The following ABHD18 variants were observed in gnomAD, a reference collection of about 807,000 sequenced individuals.
ABHD18 encodes the protein abhydrolase domain containing 18.
ABHD18 carries 55 observed loss-of-function variants against 65.9 expected under a neutral mutation model. The ratio of observed to expected loss-of-function variants is 0.84; its 90% CI spans 0.67 to 1.05. The LOEUF is 1.05. Among genes scored for constraint, ABHD18 ranks in the 50% least tolerant of loss-of-function variants. ABHD18 has a pLI of 0.00. For missense variants in ABHD18, 533 were observed against 558.5 expected (o/e 0.95, Z 0.46); for synonymous variants, 181 against 180.2 (o/e 1.00, Z -0.04).
intron 1 of ABHD18, among the ~76,000 whole-genome samples, chr4:127,967,746 C>A: frequency 6.6e-6 from 1 of 150,760 alleles, no homozygotes; most frequent in East Asian, 1.9e-4. Flanking sequence ...GGAACACACA[C>A]ATAGCATCCA....
At chr4:128,010,282 G>A (rs1255485372) in intron 6 of ABHD18, among the ~76,000 whole-genome samples, 1 of 151,934 alleles carries the variant, frequency 6.6e-6, no homozygotes, top group Non-Finnish European at 1.5e-5. Flanking sequence ...GTAATCCCAG[G>A]ACTTTGGGAG....
chr4:127,989,817 G>A lies in ABHD18; in HGVS notation c.274G>A (p.Ala92Thr). The A allele has an allele frequency of 1.9e-6, 3 of 1,554,632 alleles. No individual in the cohort carries two copies. The highest frequency in any genetic ancestry group is 2.6e-6 in the Non-Finnish European group (3 of 1,150,322). ...TATCATGCCAATTGAATCTGTTATTGCAAGGTAAGAATTTTTTTGTTCAAA... is the reference window on the plus strand; with the variant it reads ...TATCATGCCAATTGAATCTGTTATTACAAGGTAAGAATTTTTTTGTTCAAA... The part of the protein sequence containing the change: ...PDIMPIESVI[A>T]RFQFIVPKEW... Residue 92 changes from alanine to threonine, a missense_variant, in exon 4 of 13, where the codon GCA becomes ACA. Physicochemically the swap from Ala to Thr is moderately conservative, Grantham distance 58. Coordinates refer to ENST00000645843, the MANE Select transcript of ABHD18 (RefSeq NM_001358451.3).
chr4:128,015,940 T>C (rs1197511432), intron 7 of ABHD18, among the ~76,000 whole-genome samples: 2 of 151,288 alleles, frequency 1.3e-5, no homozygotes, highest in East Asian at 3.9e-4. Flanking sequence ...CAAAAAGATA[T>C]ATTTAAATAC....
chr4:128,022,385 A>C (rs1756647282), intron 10 of ABHD18, among the ~76,000 whole-genome samples: 1 of 152,206 alleles, frequency 6.6e-6, no homozygotes, highest in South Asian at 2.1e-4. Flanking sequence ...CTCATGGTAC[A>C]GTTCAGCATA....
Position 128,011,813 on chromosome 4 carries a change from G to C in ABHD18, c.470+113G>C, listed in dbSNP as rs973929436. 3.6e-5 allele frequency: 16 copies of C among 438,954 alleles called. 1 individual carries two copies. The highest frequency in any genetic ancestry group is 1.1e-4 in the East Asian group (2 of 17,650). 27.2% of individuals were successfully genotyped at this position (438,954 alleles called of 1,614,324 possible). On this transcript the variant is annotated intron_variant, in intron 7 of 12. Coordinates refer to ENST00000645843, the MANE Select transcript of ABHD18 (RefSeq NM_001358451.3). ...TAAATTGAATACCTAAATATTATGG[G>C]GGGGGGGAGTTCTGTTATGAAACTG... is the stretch of plus-strand genomic sequence containing the variant.
intron 4 of ABHD18, among the ~76,000 whole-genome samples, chr4:127,998,073 A>G (rs1752037623): frequency 1.3e-5 from 2 of 151,864 alleles, no homozygotes; most frequent in Admixed American, 6.6e-5. Flanking sequence ...TTTTATTTGT[A>G]GAGAACAAGG....
At chr4:127,974,188 GTTT>G (rs34967150) in intron 1 of ABHD18, among the ~76,000 whole-genome samples, 36 of 101,490 alleles carry the variant, frequency 3.5e-4, no homozygotes, top group African/African-American at 1.1e-3. Flanking sequence ...CTTAAGTTCT[GTTT>G]TTTTTTTTTT....
intron 4 of ABHD18, among the ~76,000 whole-genome samples, chr4:128,004,807 A>G (rs1449594916): frequency 6.6e-6 from 1 of 151,938 alleles, no homozygotes; most frequent in Non-Finnish European, 1.5e-5. Context: ...GCTACTCGAG[A>G]GGCTGAGGCA....
intron 1 of ABHD18, among the ~76,000 whole-genome samples, chr4:127,966,832 C>G (rs1253538070): frequency 6.8e-6 from 1 of 147,870 alleles, no homozygotes; most frequent in African/African-American, 2.5e-5. Context: ...CTGCAGTGAG[C>G]CGAGATCACG....
At chr4:128,006,635 A>T (rs906503719) in intron 4 of ABHD18, among the ~76,000 whole-genome samples, 4 of 152,230 alleles carry the variant, frequency 2.6e-5, no homozygotes, top group African/African-American at 7.2e-5. Flanking sequence ...GACAGAGTAC[A>T]GTCTTTTACT....
chr4:127,979,842 G>A (rs1748670660), intron 1 of ABHD18, among the ~76,000 whole-genome samples: 1 of 149,714 alleles, frequency 6.7e-6, no homozygotes, highest in South Asian at 2.1e-4. Context: ...CTTGAGCCAA[G>A]GAGGTAGAGG....
Position 128,028,420 on chromosome 4 carries a change from C to G in ABHD18, c.802-55C>G, listed in dbSNP as rs1054180470. 5.5e-6 allele frequency: 7 copies of G among 1,265,052 alleles called. No homozygotes were observed. In the Admixed American group the frequency reaches 2.5e-4, roughly 46 times the overall value. The allele number at this position is 1,265,052 out of a possible 1,614,324, so 78.4% of individuals were successfully genotyped here. On this transcript the variant is annotated intron_variant, in intron 10 of 12. Coordinates refer to ENST00000645843, the MANE Select transcript of ABHD18 (RefSeq NM_001358451.3). The stretch of plus-strand genomic sequence containing the variant: ...CTTTTCTCTTTTTTTTTTGACAAAG[C>G]TGTTAATACCCTATTTTATATTAAA...
intron 7 of ABHD18, 30 bp downstream of exon 7, chr4:128,011,730 TC>T: frequency 6.6e-7 from 1 of 1,511,394 alleles, no homozygotes; most frequent in Non-Finnish European, 8.9e-7. Flanking sequence ...ATTTTTGCAG[TC>T]TTTTTACCCA....
Position 128,011,713 on chromosome 4 carries a change from C to T in ABHD18, c.470+13C>T, listed in dbSNP as rs781581059. On this transcript the variant is annotated intron_variant, in intron 7 of 12. Transcript: ENST00000645843. ...CCAAGGACCAAGTGTAAGTATATAT[C>T]ACTTTCATTTTTGCAGTCTTTTTAC... is the stretch of plus-strand genomic sequence containing the variant. 3.9e-6 allele frequency: 6 copies of T among 1,532,762 alleles called. No individual in the cohort carries two copies. The South Asian group carries it at 7.5e-5, about 19-fold the overall frequency. The allele number at this position is 1,532,762 out of a possible 1,614,324, so 94.9% of individuals were successfully genotyped here. A position where few individuals can be genotyped will look rare whatever the true frequency, so the allele number is the denominator to read the frequency against.
chr4:127,974,486 C>G lies in ABHD18; in HGVS notation c.-17-8453C>G, dbSNP rs369617618. 2.6e-5 allele frequency among the ~76,000 whole-genome samples: 4 copies of G among 152,126 alleles called. No individual in the cohort carries two copies. The South Asian group carries it at 8.3e-4, about 32-fold the overall frequency. ...TACTCAGTTCAAGCAATCCTCCCAC[C>G]TCAGCCTCCTAAGTAGCTGGAACCA... is the stretch of plus-strand genomic sequence containing the variant. On this transcript the variant is annotated intron_variant, in intron 1 of 12. Coordinates refer to ENST00000645843, the MANE Select transcript of ABHD18 (RefSeq NM_001358451.3).
At chr4:128,018,248 T>G (rs182606673) in intron 8 of ABHD18, among the ~76,000 whole-genome samples, 71 of 152,322 alleles carry the variant, frequency 4.7e-4, no homozygotes, top group Non-Finnish European at 9.0e-4. Context: ...TTTGAGATAT[T>G]GAGGGCCAGG....
At chr4:128,001,814 T>C in intron 4 of ABHD18, 1 of 1,499,328 alleles carries the variant, frequency 6.7e-7, no homozygotes, top group East Asian at 2.6e-5. Flanking sequence ...TGTATATCCT[T>C]AGTGGTTAGA....
chr4:127,983,155 C>A, intron 2 of ABHD18, 108 bp downstream of exon 2: 1 of 666,572 alleles, frequency 1.5e-6, no homozygotes, highest in Non-Finnish European at 2.5e-6. Context: ...AATTGTCCAG[C>A]AAATTAAACT....
intron 12 of ABHD18, among the ~76,000 whole-genome samples, chr4:128,033,799 G>A (rs185020327): frequency 1.6e-4 from 24 of 151,958 alleles, no homozygotes; most frequent in Admixed American, 1.6e-3. Flanking sequence ...GCCTCCCAAA[G>A]TTCTGGGATT....
Sources: allele counts gnomAD v4.1 joint callset (sites outside exome capture counted in the v4.1 genomes callset), GRCh38; gene constraint gnomAD v4.1.1; transcripts MANE v1.5; gene names NCBI Gene and HGNC (gene_info 2026-07-23, HGNC 2026-07-21).